Variants in WAPL observed in about 807,000 individuals in gnomAD.
The protein encoded by WAPL is wings apart-like protein homolog.
Under a neutral mutation model 121.0 loss-of-function variants are expected in WAPL, and 5 were observed. The observed-to-expected ratio is 0.04, with a 90% CI of 0.02 to 0.09. The LOEUF (loss-of-function observed/expected upper bound fraction) is 0.09. Among genes scored for constraint, WAPL ranks in the 10% least tolerant of loss-of-function variants. The pLI, the probability that WAPL is intolerant of heterozygous loss-of-function variation, is 1.00. For synonymous variants in WAPL, 480 were observed against 481.5 expected (o/e 1.00, Z 0.04); for missense variants, 999 against 1,410.8 (o/e 0.71, Z 4.68).
In WAPL at chr10:86,507,719, G is replaced by GT. The variant is rs112920287; in HGVS notation, c.500-6977dup. The stretch of plus-strand genomic sequence containing the variant: ...AAACATTAAAATCAGATAGCCCACT[G>GT]TTTTTTTTTTTTTAATCACAACCTA... On this transcript the variant is annotated intron_variant, in intron 2 of 18. Transcript: ENST00000298767. Among the ~76,000 whole-genome samples, 258 of 142,828 alleles carry GT rather than the reference G, an allele frequency of 1.8e-3. 1 individual carries two copies. The highest frequency in any genetic ancestry group is 2.5e-3 in the African/African-American group (99 of 39,602). The allele number at this position is 142,828 out of a possible 152,430, so 93.7% of individuals were successfully genotyped here.
chr10:86,449,293 G>C (rs891721479), intron 15 of WAPL, among the ~76,000 whole-genome samples: 1 of 152,174 alleles, frequency 6.6e-6, no homozygotes, highest in Non-Finnish European at 1.5e-5. Context: ...TTGAATAACA[G>C]AATTAAGAGC....
At chr10:86,468,507 T>G (rs898606464) in intron 8 of WAPL, among the ~76,000 whole-genome samples, 10 of 152,174 alleles carry the variant, frequency 6.6e-5, no homozygotes, top group African/African-American at 2.4e-4. Context: ...CTATTCTTTA[T>G]GATACAGCAG....
chr10:86,475,529 A>G (rs1841630721), intron 4 of WAPL, among the ~76,000 whole-genome samples: 1 of 152,252 alleles, frequency 6.6e-6, no homozygotes, highest in Non-Finnish European at 1.5e-5. Context: ...TCTCTAATAA[A>G]GTGGAAAAAT....
At chr10:86,447,092 T>G (rs1425671017) in intron 15 of WAPL, among the ~76,000 whole-genome samples, 1 of 152,212 alleles carries the variant, frequency 6.6e-6, no homozygotes, top group Non-Finnish European at 1.5e-5. Flanking sequence ...AAAATTACAC[T>G]CATACTACTA....
chr10:86,453,966 T>C lies in WAPL; in HGVS notation c.2658-135A>G, dbSNP rs1213395218. 3 of 766,280 alleles carry C rather than the reference T, an allele frequency of 3.9e-6. No homozygotes were observed. In the African/African-American group the frequency reaches 5.4e-5, roughly 14 times the overall value. The allele number at this position is 766,280 out of a possible 1,614,324, so 47.5% of individuals were successfully genotyped here. On this transcript the variant is annotated intron_variant, in intron 12 of 18. Coordinates refer to ENST00000298767, the MANE Select transcript of WAPL (RefSeq NM_015045.5). Reference sequence around the variant, plus strand: ...GAAAAATCTGATACCTTAAAAAACTTATTCAAGGAATGTTAAAATTAAAAA... The same window carrying C: ...GAAAAATCTGATACCTTAAAAAACTCATTCAAGGAATGTTAAAATTAAAAA...
At chr10:86,479,661 A>G (rs1286962952) in intron 4 of WAPL, among the ~76,000 whole-genome samples, 6 of 152,250 alleles carry the variant, frequency 3.9e-5, no homozygotes, top group East Asian at 1.9e-4. Flanking sequence ...TAGTAAGCTG[A>G]TAAGAATTCA....
rs1389411139 is a variant in WAPL, at chr10:86,472,708, A to G, written c.1797T>C (p.Pro599=). ...NQKDDGVFKA[P]APPSKVIKTV... ...TTTTTATCACTTTGGATGGTGGTGC[A>G]GGAGCCTTAAAAACTCCATCATCTT... The change falls in exon 6 of 19, where the codon CCT becomes CCC. Residue 599 remains proline (P), a synonymous_variant. Coordinates refer to ENST00000298767, the MANE Select transcript of WAPL (RefSeq NM_015045.5). This position sits in a 1 kb window ranked among gnomAD's most constrained non-coding sequence, Gnocchi z 4.2. 1.9e-6 allele frequency: 3 copies of G among 1,613,896 alleles called. No homozygotes were observed. In the East Asian group the frequency reaches 6.7e-5, roughly 36 times the overall value.
intron 1 of WAPL, 139 bp downstream of exon 1, chr10:86,521,226 T>C: frequency 4.6e-6 from 1 of 217,070 alleles, no homozygotes. Flanking sequence ...AAAGAGTTCC[T>C]CAGGTCATTC....
chr10:86,450,098 G>C (rs1216297634), intron 15 of WAPL, among the ~76,000 whole-genome samples: 1 of 152,210 alleles, frequency 6.6e-6, no homozygotes, highest in Non-Finnish European at 1.5e-5. Context: ...AGTTATATAA[G>C]ATGTCACCAT....
At position 86,493,056 on chromosome 10, in the gene WAPL, G is replaced by A. The variant is rs542934588; in HGVS notation, c.1644+4145C>T. On this transcript the variant is annotated intron_variant, in intron 4 of 18. Transcript: ENST00000298767. ...AGCCTGGGTGACAGAGTGAGACTCC[G>A]TCTCAAAAAAAAAAAAAAAATTCAG... Among the ~76,000 whole-genome samples, 6 of 145,732 alleles carry A rather than the reference G, an allele frequency of 4.1e-5. No homozygotes were observed. In the South Asian group the frequency reaches 6.4e-4, roughly 16 times the overall value.
intron 12 of WAPL, among the ~76,000 whole-genome samples, chr10:86,457,025 G>C (rs1841163937): frequency 6.6e-6 from 1 of 152,144 alleles, no homozygotes; most frequent in Non-Finnish European, 1.5e-5. Context: ...TTACAAGGTA[G>C]TTGTCAGAGG....
intron 2 of WAPL, among the ~76,000 whole-genome samples, chr10:86,512,690 A>G (rs1250480554): frequency 6.6e-6 from 1 of 152,230 alleles, no homozygotes; most frequent in Non-Finnish European, 1.5e-5. Flanking sequence ...TTTCAAAATT[A>G]AAGATTAGAT....
intron 2 of WAPL, 96 bp downstream of exon 2, chr10:86,517,475 A>G (rs1842578776): frequency 6.9e-7 from 1 of 1,439,884 alleles, no homozygotes; most frequent in Non-Finnish European, 9.1e-7. Flanking sequence ...ATAAGTGCAG[A>G]AAGAAAACAC....
In WAPL at chr10:86,476,147, C is replaced by T. The variant is rs576868317; in HGVS notation, c.1645-2174G>A. Among the ~76,000 whole-genome samples the T allele has an allele frequency of 1.3e-4, 20 of 148,338 alleles. No individual in the cohort carries two copies. In the South Asian group the frequency reaches 2.8e-3, roughly 21 times the overall value. On this transcript the variant is annotated intron_variant, in intron 4 of 18. Coordinates refer to ENST00000298767, the MANE Select transcript of WAPL (RefSeq NM_015045.5). ...TTGGGAGGCTGAGGCGGGCGGATCA[C>T]GAGGTCAGGAGATTGAGACCATCCT...
intron 4 of WAPL, among the ~76,000 whole-genome samples, chr10:86,474,506 T>G (rs1589514822): frequency 9.5e-6 from 1 of 105,524 alleles, no homozygotes; most frequent in Non-Finnish European, 1.9e-5. Context: ...AGAGTGAGAC[T>G]CCGTCTCAAA....
intron 2 of WAPL, among the ~76,000 whole-genome samples, chr10:86,501,485 T>C (rs575929276): frequency 6.6e-6 from 1 of 152,202 alleles, no homozygotes; most frequent in East Asian, 1.9e-4. Context: ...CTGGTATTAT[T>C]AATTCCCTCA....
intron 17 of WAPL, among the ~76,000 whole-genome samples, chr10:86,439,481 T>C (rs186794808): frequency 6.6e-6 from 1 of 152,284 alleles, no homozygotes; most frequent in Admixed American, 6.5e-5. Context: ...CCCTTCTCTA[T>C]CAACACACTA....
intron 2 of WAPL, among the ~76,000 whole-genome samples, chr10:86,510,745 T>C (rs1288517865): frequency 6.6e-6 from 1 of 152,278 alleles, no homozygotes; most frequent in Non-Finnish European, 1.5e-5. Flanking sequence ...TCCATTTATA[T>C]ACACATATGA....
chr10:86,442,762 G>A (rs1008432970), intron 17 of WAPL, among the ~76,000 whole-genome samples: 12 of 152,116 alleles, frequency 7.9e-5, no homozygotes, highest in East Asian at 5.8e-4. Flanking sequence ...GGAAATGGCC[G>A]GGCACGGTGG....
Sources: allele counts gnomAD v4.1 joint callset (sites outside exome capture counted in the v4.1 genomes callset), GRCh38; gene constraint gnomAD v4.1.1; non-coding constraint Gnocchi (gnomAD v3.1); transcripts MANE v1.5; gene names NCBI Gene and HGNC (gene_info 2026-07-23, HGNC 2026-07-21).